COL22A1: variants seen among roughly 807,000 people sequenced by gnomAD.
COL22A1 encodes collagen alpha-1(XXII) chain.
Under a neutral mutation model 248.9 loss-of-function variants are expected in COL22A1, and 221 were observed. The ratio of observed to expected loss-of-function variants is 0.89; its 90% CI spans 0.80 to 0.99. COL22A1 has a LOEUF of 0.99. COL22A1 is among the 50% of genes least tolerant of loss of function. The pLI is 0.00. For missense variants in COL22A1, 2,240 were observed against 2,179.0 expected (o/e 1.03, Z -0.56); for synonymous variants, 891 against 793.4 (o/e 1.12, Z -2.07).
chr8:138,874,895 A>G (rs772581990), intron 3 of COL22A1, among the ~76,000 whole-genome samples: 1 of 152,120 alleles, frequency 6.6e-6, no homozygotes, highest in African/African-American at 2.4e-5. Context: ...GGGCCACCCA[A>G]TCTCAGCCCT....
chr8:138,649,623 T>G (rs1479112583), intron 46 of COL22A1, 42 bp downstream of exon 46: 3 of 1,584,918 alleles, frequency 1.9e-6, no homozygotes, highest in South Asian at 2.3e-5. Flanking sequence ...AATGATATTT[T>G]CATTGTAATG....
At chr8:138,609,698 C>A (rs1818708801) in intron 56 of COL22A1, among the ~76,000 whole-genome samples, 1 of 152,236 alleles carries the variant, frequency 6.6e-6, no homozygotes, top group Admixed American at 6.5e-5. Context: ...TTTCTCTAAT[C>A]TTCCCTTCGC....
chr8:138,812,851 C>G, intron 8 of COL22A1, 88 bp downstream of exon 8: 7 of 1,031,074 alleles, frequency 6.8e-6, no homozygotes, highest in Non-Finnish European at 1.1e-5. Context: ...TGACCACCAA[C>G]CACCCAACCC....
Position 138,821,344 on chromosome 8 carries a change from G to C in COL22A1, c.1037C>G (p.Ala346Gly). The C allele has an allele frequency of 6.2e-7, 1 of 1,614,162 alleles. No homozygotes were observed. Among genetic ancestry groups the C allele is most frequent in the Non-Finnish European group, 8.5e-7 (1 of 1,180,006 alleles). The part of the protein sequence containing the change: ...EYNAVGAMKD[A>G]VRVVFRGSRV... ...AGAACCTCGGAAGACCACCCTGACA[G>C]CATCTTTCATGGCACCCACAGCGTT... Residue 346 changes from alanine to glycine, a missense_variant, in exon 7 of 65, where the codon GCT (alanine) becomes GGT (glycine). Ala to Gly is a moderately conservative substitution (Grantham distance 60). Coordinates refer to ENST00000303045, the MANE Select transcript of COL22A1 (RefSeq NM_152888.3).
At chr8:138,863,524 AT>A (rs1822643084) in intron 3 of COL22A1, among the ~76,000 whole-genome samples, 1 of 152,126 alleles carries the variant, frequency 6.6e-6, no homozygotes. Flanking sequence ...TCTGGGGTCC[AT>A]TTTACCTGAG....
At chr8:138,687,479 T>G (rs927277605) in intron 37 of COL22A1, among the ~76,000 whole-genome samples, 2 of 152,240 alleles carry the variant, frequency 1.3e-5, no homozygotes, top group South Asian at 2.1e-4. Context: ...TAGATGAACT[T>G]GAACTTGAAA....
At chr8:138,704,212 A>G (rs1256600786) in intron 30 of COL22A1, among the ~76,000 whole-genome samples, 1 of 152,228 alleles carries the variant, frequency 6.6e-6, no homozygotes, top group Admixed American at 6.5e-5. Flanking sequence ...GGCATAGCCG[A>G]ACAAAAGGCA....
At chr8:138,851,988 G>A (rs905586345) in intron 3 of COL22A1, among the ~76,000 whole-genome samples, 2 of 152,084 alleles carry the variant, frequency 1.3e-5, no homozygotes, top group Non-Finnish European at 2.9e-5. Flanking sequence ...CAGGTGGTTG[G>A]AGGTGTTGGA....
chr8:138,902,888 C>T (rs191812440), intron 1 of COL22A1, among the ~76,000 whole-genome samples: 23 of 151,820 alleles, frequency 1.5e-4, no homozygotes, highest in African/African-American at 5.1e-4. Context: ...TTTCACCAAA[C>T]GCGGTTGGTC....
intron 3 of COL22A1, among the ~76,000 whole-genome samples, chr8:138,852,066 T>C (rs1821686994): frequency 6.6e-6 from 1 of 151,672 alleles, no homozygotes; most frequent in Non-Finnish European, 1.5e-5. Context: ...GAGTGATGCA[T>C]GGGAGGTCTG....
intron 53 of COL22A1, among the ~76,000 whole-genome samples, chr8:138,619,187 A>G (rs537574622): frequency 6.6e-6 from 1 of 152,366 alleles, no homozygotes; most frequent in Non-Finnish European, 1.5e-5. Flanking sequence ...TATTATCCAG[A>G]GAAAACCCAT....
intron 11 of COL22A1, among the ~76,000 whole-genome samples, chr8:138,798,021 C>T (rs1033375183): frequency 3.3e-5 from 5 of 151,474 alleles, no homozygotes; most frequent in Non-Finnish European, 7.4e-5. Flanking sequence ...CTTTTATTTT[C>T]AACCTATTGA....
chr8:138,747,571 TG>T (rs1431234838), intron 22 of COL22A1, among the ~76,000 whole-genome samples: 2 of 152,186 alleles, frequency 1.3e-5, no homozygotes, highest in Non-Finnish European at 2.9e-5. Context: ...GCTATCAGTT[TG>T]GCCAATGTCC....
At chr8:138,766,535 AAG>A (rs1401337814) in intron 16 of COL22A1, among the ~76,000 whole-genome samples, 1 of 152,092 alleles carries the variant, frequency 6.6e-6, no homozygotes, top group East Asian at 1.9e-4. Context: ...AACAAAGACA[AAG>A]AGATGTGAGA....
Position 138,716,255 on chromosome 8 carries a change from G to A in COL22A1, c.2435C>T (p.Pro812Leu). The change falls in exon 29 of 65, where the codon CCA (proline) becomes CTA (leucine). Residue 812 changes from proline (P) to leucine (L), a missense_variant. Pro to Leu is a moderately conservative substitution (Grantham distance 98). Transcript: ENST00000303045. ...EAGLPGAPGF[P>L]GVRGEKGDQG... ...GTCTCCTTTCTCTCCTCTCACACCT[G>A]GGAAGCCTGGAGCCCCTGGGAGGCC... The A allele has an allele frequency of 6.3e-7, 1 of 1,592,656 alleles. No individual in the cohort carries two copies. Among genetic ancestry groups the A allele is most frequent in the Non-Finnish European group, 8.6e-7 (1 of 1,167,836 alleles).
intron 3 of COL22A1, among the ~76,000 whole-genome samples, chr8:138,865,032 A>G (rs1284903594): frequency 6.6e-6 from 1 of 152,222 alleles, no homozygotes; most frequent in Admixed American, 6.5e-5. Context: ...TGTTAGATTG[A>G]TGTAAATAAG....
intron 56 of COL22A1, among the ~76,000 whole-genome samples, chr8:138,609,621 C>T (rs1818701655): frequency 6.6e-6 from 1 of 152,228 alleles, no homozygotes; most frequent in Admixed American, 6.5e-5. Context: ...GCCCACCAAC[C>T]CATCTGTGTC....
At position 138,710,698 on chromosome 8, in the gene COL22A1, C is replaced by T. The variant is rs193144837; in HGVS notation, c.2517+4984G>A. On this transcript the variant is annotated intron_variant, in intron 30 of 64. Transcript: ENST00000303045. The stretch of plus-strand genomic sequence containing the variant: ...CTAAGTCACACATTCTGCAAATGGC[C>T]GAACCTGGTTTTAAGCTCAGAATGC... Among the ~76,000 whole-genome samples the T allele has an allele frequency of 1.5e-3, 234 of 151,924 alleles. 3 individuals carry two copies. Among genetic ancestry groups the T allele is most frequent in the Non-Finnish European group, 2.5e-4 (17 of 67,982 alleles).
At position 138,826,769 on chromosome 8, in the gene COL22A1, G is replaced by C; in HGVS notation, c.858C>G (p.Pro286=). 3.1e-6 allele frequency: 5 copies of C among 1,614,096 alleles called. No homozygotes were observed. The highest frequency in any genetic ancestry group is 4.2e-6 in the Non-Finnish European group (5 of 1,179,984). The stretch of plus-strand genomic sequence containing the variant: ...AGGCGTACTCATCAGGTAAACCTTG[G>C]GGGAACACATCCCTGGAGAAAAATG... The part of the protein sequence containing the change: ...PVVQSTEDVF[P]QGLPDEYAFV... The change falls in exon 6 of 65, where the codon CCC becomes CCG. Residue 286 remains proline, a synonymous_variant. Transcript: ENST00000303045.
Sources: gnomAD v4.1 joint callset for allele counts (sites outside exome capture counted in the v4.1 genomes callset) on GRCh38, gnomAD v4.1.1 for gene constraint, MANE v1.5 for transcripts, NCBI Gene and HGNC (gene_info 2026-07-23, HGNC 2026-07-21) for gene names.